SUMO2: variants seen among roughly 807,000 people sequenced by gnomAD.
The protein encoded by SUMO2 is small ubiquitin like modifier 2.
A neutral mutation model predicts 16.0 loss-of-function variants in SUMO2; 1 was observed. The observed-to-expected ratio is 0.06, with a 90% CI of 0.02 to 0.30. The LOEUF is 0.30. Among genes scored for constraint, SUMO2 ranks in the 10% least tolerant of loss-of-function variants. The probability of loss-of-function intolerance (pLI) is 1.00; values close to 1 mark genes in which losing one functional copy is unlikely to be tolerated. For missense variants in SUMO2, 16 were observed against 117.5 expected, an observed-to-expected ratio of 0.14 and a Z score of 3.99; for synonymous variants, 36 against 40.6, an observed-to-expected ratio of 0.89 and a Z score of 0.43.
In SUMO2 at chr17:75,177,988, C is replaced by CAAAAAAAA. The variant is rs59613076; in HGVS notation, c.153+3061_153+3068dup. On this transcript the variant is annotated intron_variant, in intron 2 of 3. Transcript: ENST00000420826. ...TGACCGACAAAGCGAGACTCCGTCT[C>CAAAAAAAA]AAAAAAAAAAAAAAAAAAAAAAAGA... Among the ~76,000 whole-genome samples the CAAAAAAAA allele has an allele frequency of 5.2e-3, 345 of 66,392 alleles. 25 individuals are homozygous for CAAAAAAAA. Among genetic ancestry groups the CAAAAAAAA allele is most frequent in the African/African-American group, 0.021 (318 of 14,792 alleles). 43.6% of individuals were successfully genotyped at this position (66,392 alleles called of 152,430 possible).
intron 1 of SUMO2, among the ~76,000 whole-genome samples, chr17:75,181,495 CAT>C (rs1442645816): frequency 1.3e-5 from 2 of 152,072 alleles, no homozygotes; most frequent in African/African-American, 2.4e-5. Context: ...CCTAAAATGA[CAT>C]ATATCACTCC....
chr17:75,175,172 T>A (rs1400679423), intron 2 of SUMO2, among the ~76,000 whole-genome samples: 5 of 152,016 alleles, frequency 3.3e-5, no homozygotes, highest in African/African-American at 9.6e-5. Flanking sequence ...TAGTAGAGAC[T>A]GGGTTTCATC....
At chr17:75,177,852 G>A (rs944154671) in intron 2 of SUMO2, among the ~76,000 whole-genome samples, 12 of 151,828 alleles carry the variant, frequency 7.9e-5, no homozygotes, top group African/African-American at 1.9e-4. Context: ...AGCCGAGCAC[G>A]GTGGTAGGTG....
chr17:75,166,813 C>A lies in SUMO2; in HGVS notation c.*1526G>T, dbSNP rs997408567. 6.9e-6 allele frequency: 1 copy of A among 145,854 alleles called. No individual in the cohort carries two copies. Among genetic ancestry groups the A allele is most frequent in the East Asian group, 2.1e-4 (1 of 4,738 alleles). The allele number at this position is 145,854 out of a possible 1,614,324, so 9.0% of individuals were successfully genotyped here. The stretch of plus-strand genomic sequence containing the variant: ...AAAGACCTAAGACGGGAGGCTGAGG[C>A]AGGAGAATGGCGTGAACCCGGGAGG... On this transcript the variant is annotated 3_prime_UTR_variant, in exon 4 of 4. Transcript: ENST00000420826.
intron 3 of SUMO2, among the ~76,000 whole-genome samples, chr17:75,174,047 C>A (rs967441352): frequency 6.6e-6 from 1 of 152,246 alleles, no homozygotes; most frequent in African/African-American, 2.4e-5. Flanking sequence ...CCTTTTTGTT[C>A]ATGAAGACAC....
intron 1 of SUMO2, among the ~76,000 whole-genome samples, chr17:75,182,099 GTC>G (rs1234988705): frequency 1.3e-5 from 2 of 152,150 alleles, no homozygotes; most frequent in Non-Finnish European, 2.9e-5. Context: ...GCCGCACAAA[GTC>G]TCTCTGCTCG....
In SUMO2 at chr17:75,166,742, C is replaced by G. The variant is rs1254357505; in HGVS notation, c.*1597G>C. ...AGGTTGCAGTGAGCCAAGATCACAC[C>G]ATTGCACCACTCCAGACTAGGCAAC... On this transcript the variant is annotated 3_prime_UTR_variant, in exon 4 of 4. Transcript: ENST00000420826. 4 of 152,282 alleles carry G rather than the reference C, an allele frequency of 2.6e-5. No individual in the cohort carries two copies. Among genetic ancestry groups the G allele is most frequent in the Middle Eastern group, 6.8e-3 (2 of 296 alleles). 9.4% of individuals were successfully genotyped at this position (152,282 alleles called of 1,614,324 possible).
At position 75,180,493 on chromosome 17, in the gene SUMO2, A is replaced by G. The variant is rs553736917; in HGVS notation, c.153+564T>C. 8.1e-5 allele frequency among the ~76,000 whole-genome samples: 12 copies of G among 147,910 alleles called. No homozygotes were observed. The South Asian group carries it at 2.6e-3, about 32-fold the overall frequency. ...TTTGGAAGGCCGAGGCGGGCGGATC[A>G]CCTGAGGTCAGGAGTTTGGAACCAG... is the stretch of plus-strand genomic sequence containing the variant. On this transcript the variant is annotated intron_variant, in intron 2 of 3. Coordinates refer to ENST00000420826, the MANE Select transcript of SUMO2 (RefSeq NM_006937.4).
chr17:75,168,500 T>A, intron 3 of SUMO2, 99 bp from the exon 4 acceptor site: 1 of 1,002,536 alleles, frequency 1.0e-6, no homozygotes, highest in Non-Finnish European at 1.5e-6. Context: ...CATGTTCCAC[T>A]AAGTTCCAAG....
chr17:75,174,214 ACC>A (rs1186930845), intron 3 of SUMO2, among the ~76,000 whole-genome samples: 1 of 151,498 alleles, frequency 6.6e-6, no homozygotes, highest in Non-Finnish European at 1.5e-5. Flanking sequence ...ACATGGTGAA[ACC>A]CCATCCCTAC....
intron 2 of SUMO2, 67 bp from the exon 3 acceptor site, chr17:75,174,890 A>G: frequency 7.2e-7 from 1 of 1,380,458 alleles, no homozygotes; most frequent in East Asian, 2.4e-5. Flanking sequence ...ATAAAAGTAC[A>G]TGCATATTTA....
chr17:75,174,148 G>A (rs1256577984), intron 3 of SUMO2, among the ~76,000 whole-genome samples: 3 of 152,218 alleles, frequency 2.0e-5, no homozygotes, highest in East Asian at 1.9e-4. Context: ...CCAACACTTT[G>A]GGAGGCCAAG....
chr17:75,176,604 G>C (rs1463860850), intron 2 of SUMO2, among the ~76,000 whole-genome samples: 5 of 147,022 alleles, frequency 3.4e-5, no homozygotes, highest in African/African-American at 1.2e-4. Context: ...TGACAGACCA[G>C]ATTCAATATC....
At chr17:75,178,918 G>A (rs980773046) in intron 2 of SUMO2, among the ~76,000 whole-genome samples, 1 of 152,104 alleles carries the variant, frequency 6.6e-6, no homozygotes, top group Non-Finnish European at 1.5e-5. Flanking sequence ...TTGCGCCACT[G>A]CACTCTAGCC....
At chr17:75,172,783 C>G (rs1017684970) in intron 3 of SUMO2, among the ~76,000 whole-genome samples, 1 of 151,834 alleles carries the variant, frequency 6.6e-6, no homozygotes, top group African/African-American at 2.4e-5. Flanking sequence ...CGATGCCTGG[C>G]TAATTTTTGT....
chr17:75,172,325 C>CTTCTT (rs140644374), intron 3 of SUMO2, among the ~76,000 whole-genome samples: 3,998 of 109,318 alleles, frequency 0.037, 205 homozygotes, highest in African/African-American at 0.051. Context: ...TGTACCCAGA[C>CTTCTT]TTTTTTTTTT....
At chr17:75,172,514 C>T (rs1224178210) in intron 3 of SUMO2, among the ~76,000 whole-genome samples, 3 of 144,000 alleles carry the variant, frequency 2.1e-5, no homozygotes, top group Non-Finnish European at 4.5e-5. Context: ...TTGAGTTTCG[C>T]TCGTTACCCA....
At chr17:75,179,171 A>C (rs1306029584) in intron 2 of SUMO2, among the ~76,000 whole-genome samples, 1 of 152,178 alleles carries the variant, frequency 6.6e-6, no homozygotes, top group Admixed American at 6.6e-5. Context: ...GCCAGTTTAT[A>C]AATTATTTAA....
At chr17:75,175,132 G>C (rs972834135) in intron 2 of SUMO2, among the ~76,000 whole-genome samples, 1 of 151,804 alleles carries the variant, frequency 6.6e-6, no homozygotes, top group African/African-American at 2.4e-5. Context: ...ACGGTCCCCC[G>C]CCACAACAAC....
Sources: allele counts gnomAD v4.1 joint callset (sites outside exome capture counted in the v4.1 genomes callset), GRCh38; gene constraint gnomAD v4.1.1; transcripts MANE v1.5; gene names NCBI Gene and HGNC (gene_info 2026-07-23, HGNC 2026-07-21).